The following GBE1 variants were observed in gnomAD, a reference collection of about 807,000 sequenced individuals.
The protein encoded by GBE1 is 1,4-alpha-glucan-branching enzyme.
A neutral mutation model predicts 88.8 loss-of-function variants in GBE1; 70 were observed. That is an observed-to-expected ratio of 0.79 (90% CI 0.65 to 0.96). GBE1 has a LOEUF of 0.96. GBE1 is among the 40% of genes least tolerant of loss of function. The pLI is 0.00. For synonymous variants in GBE1, 284 were observed against 300.1 expected (o/e 0.95, Z 0.56); for missense variants, 872 against 871.0 (o/e 1.00, Z -0.01).
At chr3:81,587,700 A>C (rs1191141697) in intron 9 of GBE1, among the ~76,000 whole-genome samples, 1 of 152,192 alleles carries the variant, frequency 6.6e-6, no homozygotes, top group Non-Finnish European at 1.5e-5. Flanking sequence ...AGACTAGTTT[A>C]ATAATACTTG....
At chr3:81,529,790 G>A (rs1702990200) in intron 14 of GBE1, among the ~76,000 whole-genome samples, 1 of 151,932 alleles carries the variant, frequency 6.6e-6, no homozygotes, top group African/African-American at 2.4e-5. Flanking sequence ...TCTTGAGGTA[G>A]TATTATTTGG....
chr3:81,680,582 C>T (rs963717495), intron 2 of GBE1, among the ~76,000 whole-genome samples: 4 of 151,560 alleles, frequency 2.6e-5, no homozygotes, highest in Non-Finnish European at 5.9e-5. Flanking sequence ...TATTTAGGAT[C>T]TAAGGATAAT....
intron 14 of GBE1, among the ~76,000 whole-genome samples, chr3:81,509,294 C>CTTT (rs34753672): frequency 8.1e-6 from 1 of 123,790 alleles, no homozygotes; most frequent in African/African-American, 3.0e-5. Context: ...TAGGGTTTGT[C>CTTT]TTTTTTTTTT....
chr3:81,523,792 C>A (rs1204644845), intron 14 of GBE1, among the ~76,000 whole-genome samples: 1 of 151,698 alleles, frequency 6.6e-6, no homozygotes, highest in African/African-American at 2.4e-5. Context: ...AACATAATGA[C>A]CTCCAGTTCC....
At chr3:81,496,836 TATC>T in intron 15 of GBE1, among the ~76,000 whole-genome samples, 1 of 152,312 alleles carries the variant, frequency 6.6e-6, no homozygotes, top group Admixed American at 6.5e-5. Context: ...CGAGTGATCT[TATC>T]ATCTGGAGCC....
chr3:81,615,590 A>G (rs1327153662), intron 7 of GBE1, among the ~76,000 whole-genome samples: 1 of 152,230 alleles, frequency 6.6e-6, no homozygotes, highest in East Asian at 1.9e-4. Context: ...CTGGAGATTC[A>G]TTCAAGTTGT....
At chr3:81,669,558 A>G (rs189682150) in intron 3 of GBE1, among the ~76,000 whole-genome samples, 3 of 152,180 alleles carry the variant, frequency 2.0e-5, no homozygotes. Flanking sequence ...TTAACACTCA[A>G]TAAATATCTT....
chr3:81,760,287 A>G (rs937640098), intron 1 of GBE1, among the ~76,000 whole-genome samples: 5 of 152,216 alleles, frequency 3.3e-5, no homozygotes, highest in African/African-American at 1.2e-4. Context: ...GAGTTCCTCA[A>G]TAAACACTTG....
In GBE1 at chr3:81,753,148, A is replaced by G. The variant is rs193167078; in HGVS notation, c.143+8227T>C. 4.6e-5 allele frequency among the ~76,000 whole-genome samples: 7 copies of G among 152,360 alleles called. No homozygotes were observed. In the East Asian group the frequency reaches 7.7e-4, roughly 17 times the overall value. ...TAATAAATCAATGAATGTAAGATGTATAACATATTTTAAAACTCTACATAA... is the reference window on the plus strand; with the variant it reads ...TAATAAATCAATGAATGTAAGATGTGTAACATATTTTAAAACTCTACATAA... On this transcript the variant is annotated intron_variant, in intron 1 of 15. Coordinates refer to ENST00000429644, the MANE Select transcript of GBE1 (RefSeq NM_000158.4).
At chr3:81,510,914 C>CAT (rs1702718644) in intron 14 of GBE1, among the ~76,000 whole-genome samples, 1 of 151,980 alleles carries the variant, frequency 6.6e-6, no homozygotes, top group African/African-American at 2.4e-5. Context: ...TTCTCACACA[C>CAT]ACACAAGAAA....
At chr3:81,698,755 T>C (rs960148274) in intron 2 of GBE1, among the ~76,000 whole-genome samples, 2 of 152,148 alleles carry the variant, frequency 1.3e-5, no homozygotes, top group African/African-American at 4.8e-5. Context: ...CTACCTGTGC[T>C]CAGTATTCTG....
At chr3:81,601,902 C>T (rs1291759653) in intron 7 of GBE1, among the ~76,000 whole-genome samples, 1 of 152,136 alleles carries the variant, frequency 6.6e-6, no homozygotes, top group Non-Finnish European at 1.5e-5. Flanking sequence ...AGGCACAATG[C>T]CAGGTGCTAG....
intron 12 of GBE1, among the ~76,000 whole-genome samples, chr3:81,559,696 T>C (rs1703393609): frequency 6.6e-6 from 1 of 151,922 alleles, no homozygotes; most frequent in Non-Finnish European, 1.5e-5. Context: ...TTATACACTC[T>C]GCTTTATGTG....
chr3:81,642,025 T>C (rs955177534), intron 7 of GBE1, among the ~76,000 whole-genome samples: 2 of 151,470 alleles, frequency 1.3e-5, no homozygotes, highest in African/African-American at 2.4e-5. Flanking sequence ...GACATTTTCA[T>C]TTTTTCACTT....
intron 8 of GBE1, among the ~76,000 whole-genome samples, chr3:81,593,291 A>G (rs1703905964): frequency 6.6e-6 from 1 of 151,264 alleles, no homozygotes; most frequent in South Asian, 2.1e-4. Flanking sequence ...CTTGAACCCA[A>G]GAGATGGAGT....
intron 7 of GBE1, among the ~76,000 whole-genome samples, chr3:81,626,992 G>A (rs1704426749): frequency 6.6e-6 from 1 of 152,060 alleles, no homozygotes; most frequent in Non-Finnish European, 1.5e-5. Flanking sequence ...TTCCTCCTTG[G>A]TGGATTATTT....
At chr3:81,590,051 A>C (rs1703856838) in intron 9 of GBE1, among the ~76,000 whole-genome samples, 1 of 152,052 alleles carries the variant, frequency 6.6e-6, no homozygotes, top group Non-Finnish European at 1.5e-5. Context: ...CTTTATTCCC[A>C]GAAAATACTT....
intron 12 of GBE1, among the ~76,000 whole-genome samples, chr3:81,537,590 C>T (rs1244937964): frequency 2.0e-5 from 3 of 151,900 alleles, no homozygotes; most frequent in African/African-American, 4.8e-5. Flanking sequence ...AGAGACTTGC[C>T]CAACTTCACA....
intron 1 of GBE1, among the ~76,000 whole-genome samples, chr3:81,752,789 A>G (rs1336350348): frequency 6.6e-6 from 1 of 152,230 alleles, no homozygotes; most frequent in East Asian, 1.9e-4. Flanking sequence ...GGCACAGTTA[A>G]CTAGCAAAAC....
Sources: allele counts gnomAD v4.1 joint callset (sites outside exome capture counted in the v4.1 genomes callset), GRCh38; gene constraint gnomAD v4.1.1; transcripts MANE v1.5; gene names NCBI Gene and HGNC (gene_info 2026-07-23, HGNC 2026-07-21).